Variants in MTCL2 observed in about 807,000 individuals in gnomAD.
MTCL2 encodes microtubule cross-linking factor 2.
chr20:36,791,887 A>G, the MTCL2 span, among the ~76,000 whole-genome samples: 5 of 152,268 alleles, frequency 3.3e-5, no homozygotes, highest in Non-Finnish European at 7.3e-5. Flanking sequence ...AAAACATGCC[A>G]TCCTTCAAAT....
chr20:36,810,227 C>G, the MTCL2 span: 1 of 1,231,932 alleles, frequency 8.1e-7, no homozygotes, highest in Non-Finnish European at 1.1e-6. Context: ...CCAAGCTGTC[C>G]AAATACAAAT....
At chr20:36,812,457 G>T in the MTCL2 span, among the ~76,000 whole-genome samples, 2 of 152,170 alleles carry the variant, frequency 1.3e-5, no homozygotes, top group East Asian at 3.8e-4. Flanking sequence ...ATTCCCAGTG[G>T]AATTTAGTAC....
At chr20:36,785,715 A>C in the MTCL2 span, 2 of 985,474 alleles carry the variant, frequency 2.0e-6, no homozygotes, top group South Asian at 9.4e-5. Flanking sequence ...TCTGTCCTCA[A>C]GGGGTCTGCT....
At chr20:36,784,356 A>G in the MTCL2 span, 1 of 985,884 alleles carries the variant, frequency 1.0e-6, no homozygotes, top group Non-Finnish European at 1.2e-6. Context: ...CCTGGTGTTC[A>G]GCCTGCAGGG....
chr20:36,816,983 G>A, the MTCL2 span, among the ~76,000 whole-genome samples: 1 of 152,068 alleles, frequency 6.6e-6, no homozygotes, highest in Non-Finnish European at 1.5e-5. Flanking sequence ...AATGAGCAAG[G>A]GGGCCGGGCG....
the MTCL2 span, chr20:36,793,787 C>G: frequency 6.5e-7 from 1 of 1,540,860 alleles, no homozygotes; most frequent in Admixed American, 2.0e-5. The surrounding 1 kb of genome is among the most constrained non-coding windows in gnomAD (Gnocchi z 6.8). Flanking sequence ...GCAGCAGGGC[C>G]GCTCGATGCG....
At chr20:36,808,817 G>C in the MTCL2 span, 10 of 1,360,716 alleles carry the variant, frequency 7.3e-6, no homozygotes, top group African/African-American at 4.4e-5. Flanking sequence ...CCCCTGGACA[G>C]GGGCAGGGAG....
At chr20:36,841,561 G>A in the MTCL2 span, among the ~76,000 whole-genome samples, 2 of 152,114 alleles carry the variant, frequency 1.3e-5, no homozygotes, top group African/African-American at 2.4e-5. Context: ...AAGGCTCAGA[G>A]GCAGGAAAGA....
the MTCL2 span, among the ~76,000 whole-genome samples, chr20:36,795,766 ACT>A: frequency 2.6e-5 from 4 of 151,596 alleles, no homozygotes; most frequent in African/African-American, 4.9e-5. Flanking sequence ...ACAGAGCAAA[ACT>A]CTGCCTCAAA....
the MTCL2 span, among the ~76,000 whole-genome samples, chr20:36,797,293 A>G: frequency 6.7e-6 from 1 of 150,276 alleles, no homozygotes; most frequent in Non-Finnish European, 1.5e-5. Flanking sequence ...CTACCCCCTC[A>G]CTTAGCCCAG....
chr20:36,860,051 C>A, the MTCL2 span, among the ~76,000 whole-genome samples: 1 of 152,146 alleles, frequency 6.6e-6, no homozygotes, highest in South Asian at 2.1e-4. Flanking sequence ...GTGAGGCTGG[C>A]GGCTGGGATA....
the MTCL2 span, among the ~76,000 whole-genome samples, chr20:36,790,985 C>T: frequency 6.6e-6 from 1 of 152,076 alleles, no homozygotes; most frequent in African/African-American, 2.4e-5. Flanking sequence ...ATATGGCACA[C>T]TTTTGAAAAA....
the MTCL2 span, chr20:36,793,794 T>C: frequency 6.5e-7 from 1 of 1,541,208 alleles, no homozygotes; most frequent in South Asian, 1.2e-5. The surrounding 1 kb of genome is among the most constrained non-coding windows in gnomAD (Gnocchi z 6.8). Context: ...GGCCGCTCGA[T>C]GCGCGAATGG....
At chr20:36,829,512 G>GCTT in the MTCL2 span, among the ~76,000 whole-genome samples, 1 of 143,864 alleles carries the variant, frequency 7.0e-6, no homozygotes, top group Non-Finnish European at 1.5e-5. Context: ...TTTACCTGAG[G>GCTT]CTTTTTTTTT....
At chr20:36,819,830 T>C in the MTCL2 span, among the ~76,000 whole-genome samples, 1 of 152,090 alleles carries the variant, frequency 6.6e-6, no homozygotes, top group Admixed American at 6.6e-5. Context: ...CAGAGGCTGA[T>C]ATTTCAGACG....
the MTCL2 span, chr20:36,816,258 G>T: frequency 6.2e-7 from 1 of 1,608,744 alleles, no homozygotes. Context: ...CATGAGGGCT[G>T]ACTCCTCCTT....
At chr20:36,816,002 G>A in the MTCL2 span, 1 of 1,613,564 alleles carries the variant, frequency 6.2e-7, no homozygotes, top group Non-Finnish European at 8.5e-7. Flanking sequence ...GATCCTTCAT[G>A]TCGTCCATCT....
the MTCL2 span, among the ~76,000 whole-genome samples, chr20:36,814,003 A>C: frequency 6.6e-6 from 1 of 152,054 alleles, no homozygotes; most frequent in Non-Finnish European, 1.5e-5. Context: ...GTGTTCCCCC[A>C]GCCATCCATC....
At chr20:36,839,412 C>T in the MTCL2 span, 1 of 1,613,522 alleles carries the variant, frequency 6.2e-7, no homozygotes, top group East Asian at 2.2e-5. The surrounding 1 kb of genome is among the most constrained non-coding windows in gnomAD (Gnocchi z 5.1). Flanking sequence ...GCATCTCCAG[C>T]ATCTCGGCCC....
Sources: allele counts gnomAD v4.1 joint callset (sites outside exome capture counted in the v4.1 genomes callset), GRCh38; gene constraint gnomAD v4.1.1; non-coding constraint Gnocchi (gnomAD v3.1); transcripts MANE v1.5; gene names NCBI Gene and HGNC (gene_info 2026-07-23, HGNC 2026-07-21).